SPDYE18: variants seen among roughly 807,000 people sequenced by gnomAD.
SPDYE18 encodes speedy/RINGO cell cycle regulator family member E18.
Under a neutral mutation model 44.9 loss-of-function variants are expected in SPDYE18, and 6 were observed. The ratio of observed to expected loss-of-function variants is 0.13; its 90% CI spans 0.07 to 0.26. The LOEUF (loss-of-function observed/expected upper bound fraction) is 0.26, where lower values mean the gene tolerates loss of function less well. Among genes scored for constraint, SPDYE18 ranks in the 10% least tolerant of loss-of-function variants. The pLI is 1.00. For missense variants in SPDYE18, 121 were observed against 463.2 expected, an observed-to-expected ratio of 0.26 and a Z score of 6.78; for synonymous variants, 35 against 177.1, an observed-to-expected ratio of 0.20 and a Z score of 6.37.
At position 77,054,699 on chromosome 7, in the gene SPDYE18, A is replaced by C. The variant is rs1454577580; in HGVS notation, c.755+537T>G. Among the ~76,000 whole-genome samples the C allele has an allele frequency of 7.4e-3, 1,127 of 151,388 alleles. 6 individuals are homozygous for C. The highest frequency in any genetic ancestry group is 8.1e-3 in the Non-Finnish European group (549 of 67,584). ...CCTCCACTCCTTTTCTTTTCCCCTT[A>C]GGAGCGGTTTATGGTTCCTTTTGTT... On this transcript the variant is annotated intron_variant, in intron 6 of 8. Coordinates refer to ENST00000510091, the MANE Select transcript of SPDYE18 (RefSeq NM_001394953.1).
rs570948953 is a variant in SPDYE18 at position 77,051,432 on chromosome 7, C to A, written c.*493G>T. ...CATTTCCAAACAAACCAATAAAATGCAGAGTGTGCATGAAGCTATCTGTTA... is the reference window on the plus strand; with the variant it reads ...CATTTCCAAACAAACCAATAAAATGAAGAGTGTGCATGAAGCTATCTGTTA... On this transcript the variant is annotated 3_prime_UTR_variant, in exon 9 of 9. Transcript: ENST00000510091. Among the ~76,000 whole-genome samples, 2 of 152,382 alleles carry A rather than the reference C, an allele frequency of 1.3e-5. No homozygotes were observed. Among genetic ancestry groups the A allele is most frequent in the East Asian group, 3.9e-4 (2 of 5,192 alleles).
chr7:77,051,387 A>G lies in SPDYE18; in HGVS notation c.*538T>C, dbSNP rs1302751102. Among the ~76,000 whole-genome samples, 1 of 152,300 alleles carries G rather than the reference A, an allele frequency of 6.6e-6. No individual in the cohort carries two copies. The highest frequency in any genetic ancestry group is 6.5e-5 in the Admixed American group (1 of 15,292). On this transcript the variant is annotated 3_prime_UTR_variant, in exon 9 of 9. Coordinates refer to ENST00000510091, the MANE Select transcript of SPDYE18 (RefSeq NM_001394953.1). ...TTTCCAAACTATTTGAAATAAATCT[A>G]TGAATAATTCAATGGCCAACATTTC...
chr7:77,053,422 G>T, intron 6 of SPDYE18, among the ~76,000 whole-genome samples: 1 of 152,320 alleles, frequency 6.6e-6, no homozygotes, highest in Non-Finnish European at 1.5e-5. Flanking sequence ...CCAACTGGTG[G>T]CCGAGAGTGG....
chr7:77,060,732 C>G lies in SPDYE18; in HGVS notation c.-220G>C, dbSNP rs1345695272. ...TTTGAAAAAAAACACATGTAACTGC[C>G]AGGCTGATCTCTTGTCCTGGAGATC... is the stretch of plus-strand genomic sequence containing the variant. On this transcript the variant is annotated 5_prime_UTR_variant, in exon 2 of 9. Transcript: ENST00000510091. 6.6e-6 allele frequency among the ~76,000 whole-genome samples: 1 copy of G among 151,214 alleles called. No individual in the cohort carries two copies. The highest frequency in any genetic ancestry group is 6.6e-5 in the Admixed American group (1 of 15,156).
intron 1 of SPDYE18, among the ~76,000 whole-genome samples, 81 bp from the exon 2 acceptor site, chr7:77,061,014 G>GCAAGAGTGAGAT: frequency 9.3e-5 from 11 of 117,820 alleles, no homozygotes; most frequent in East Asian, 3.1e-4. Flanking sequence ...AGATTATCAT[G>GCAAGAGTGAGAT]TACAAGAGTG....
In SPDYE18 at chr7:77,062,510, C is replaced by G; in HGVS notation, c.-436G>C. 6.6e-6 allele frequency among the ~76,000 whole-genome samples: 1 copy of G among 152,134 alleles called. No homozygotes were observed. Among genetic ancestry groups the G allele is most frequent in the Non-Finnish European group, 1.5e-5 (1 of 68,026 alleles). On this transcript the variant is annotated 5_prime_UTR_variant, in exon 1 of 9. Coordinates refer to ENST00000510091, the MANE Select transcript of SPDYE18 (RefSeq NM_001394953.1). ...GGGCTGGTCACCTGCATTTCCCCTC[C>G]CTGCACAAAGTCCTGGGCCCAGATC...
chr7:77,058,498 CTTCTT>C (rs1789965502), intron 3 of SPDYE18, among the ~76,000 whole-genome samples: 1 of 109,032 alleles, frequency 9.2e-6, no homozygotes, highest in African/African-American at 3.4e-5. Flanking sequence ...CCCTTCCTTC[CTTCTT>C]TTTTTTTTTT....
At chr7:77,057,390 C>T (rs1789942648) in intron 4 of SPDYE18, among the ~76,000 whole-genome samples, 1 of 152,020 alleles carries the variant, frequency 6.6e-6, no homozygotes, top group East Asian at 1.9e-4. Context: ...GTGCTGGGAT[C>T]TCAGGCGGGA....
chr7:77,052,292 T>A (rs1189142896), intron 8 of SPDYE18, among the ~76,000 whole-genome samples: 12 of 152,142 alleles, frequency 7.9e-5, no homozygotes, highest in African/African-American at 2.4e-4. Context: ...AGCCTAATCC[T>A]TAATCCTACC....
At chr7:77,053,718 A>AAC (rs1789861723) in intron 6 of SPDYE18, among the ~76,000 whole-genome samples, 1 of 152,072 alleles carries the variant, frequency 6.6e-6, no homozygotes, top group South Asian at 2.1e-4. Flanking sequence ...CACACCCGTT[A>AAC]GGCCTAGCTA....
At chr7:77,052,553 G>T (rs1287254481) in intron 8 of SPDYE18, among the ~76,000 whole-genome samples, 180 bp downstream of exon 8, 1 of 152,254 alleles carries the variant, frequency 6.6e-6, no homozygotes, top group East Asian at 1.9e-4. Context: ...TCCCGCCTCA[G>T]CCTCCTGAGT....
intron 3 of SPDYE18, among the ~76,000 whole-genome samples, chr7:77,058,573 C>T (rs1379235931): frequency 1.5e-5 from 2 of 136,204 alleles, no homozygotes; most frequent in Non-Finnish European, 3.1e-5. Flanking sequence ...GTGGCGCTAT[C>T]TTGGCTCAAA....
intron 3 of SPDYE18, among the ~76,000 whole-genome samples, chr7:77,058,501 C>CTTTTTT (rs1158671945): frequency 7.1e-5 from 4 of 56,098 alleles, no homozygotes; most frequent in Non-Finnish European, 1.0e-4. Flanking sequence ...TTCCTTCCTT[C>CTTTTTT]TTTTTTTTTT....
chr7:77,058,955 G>C (rs1397431576), intron 3 of SPDYE18, among the ~76,000 whole-genome samples: 1 of 152,012 alleles, frequency 6.6e-6, no homozygotes, highest in Non-Finnish European at 1.5e-5. Context: ...ACTGCACCTA[G>C]CCCGAAACCA....
chr7:77,053,798 C>T (rs2117314793), intron 6 of SPDYE18, among the ~76,000 whole-genome samples: 1 of 151,240 alleles, frequency 6.6e-6, no homozygotes, highest in Non-Finnish European at 1.5e-5. Flanking sequence ...GAGATTGGGC[C>T]ACTCCATTCC....
rs1789797153 is a variant in SPDYE18, at chr7:77,051,524, A to G, written c.*401T>C. On this transcript the variant is annotated 3_prime_UTR_variant, in exon 9 of 9. Transcript: ENST00000510091. ...ATCTGAGCCCCTGCATTGTGCCTTC[A>G]AATGCTCCTGGACTGTGGCAACCAA... 6.6e-6 allele frequency among the ~76,000 whole-genome samples: 1 copy of G among 152,298 alleles called. No individual in the cohort carries two copies. Among genetic ancestry groups the G allele is most frequent in the South Asian group, 2.1e-4 (1 of 4,838 alleles).
chr7:77,059,711 G>A (rs1257283789), intron 2 of SPDYE18, among the ~76,000 whole-genome samples: 1 of 149,720 alleles, frequency 6.7e-6, no homozygotes, highest in Non-Finnish European at 1.5e-5. Context: ...GTGTAGTGGT[G>A]CAATCTCAGC....
At chr7:77,062,202 C>T (rs889269187) in intron 1 of SPDYE18, among the ~76,000 whole-genome samples, 4 of 144,462 alleles carry the variant, frequency 2.8e-5, no homozygotes, top group Non-Finnish European at 4.5e-5. Flanking sequence ...GTCTCTCGCT[C>T]ATAGAAAAGG....
rs1422291607 is a variant in SPDYE18, at chr7:77,060,823, A to T, written c.-311T>A. ...CCATTGTCCAAAAGCATCTTCAGGGACTCCACATCCCTGTGTTCCCTGTCC... is the reference window on the plus strand; with the variant it reads ...CCATTGTCCAAAAGCATCTTCAGGGTCTCCACATCCCTGTGTTCCCTGTCC... On this transcript the variant is annotated 5_prime_UTR_variant, in exon 2 of 9. Transcript: ENST00000510091. 6.6e-6 allele frequency among the ~76,000 whole-genome samples: 1 copy of T among 150,518 alleles called. No homozygotes were observed. Among genetic ancestry groups the T allele is most frequent in the Admixed American group, 6.6e-5 (1 of 15,072 alleles).
Sources: gnomAD v4.1 joint callset for allele counts (sites outside exome capture counted in the v4.1 genomes callset) on GRCh38, gnomAD v4.1.1 for gene constraint, MANE v1.5 for transcripts, NCBI Gene and HGNC (gene_info 2026-07-23, HGNC 2026-07-21) for gene names.